The following PLCG2 variants were observed in gnomAD, a reference collection of about 807,000 sequenced individuals.
PLCG2 encodes 1-phosphatidylinositol 4,5-bisphosphate phosphodiesterase gamma-2.
In PLCG2, 69 loss-of-function variants were observed where a neutral mutation model predicts 175.6. That is an observed-to-expected ratio of 0.39 (90% CI 0.32 to 0.48). The LOEUF (loss-of-function observed/expected upper bound fraction) is 0.48. PLCG2 is among the 20% of genes least tolerant of loss of function. The probability of loss-of-function intolerance (pLI) is 0.91; values close to 1 mark genes in which losing one functional copy is unlikely to be tolerated. For synonymous variants in PLCG2, 827 were observed against 624.0 expected (o/e 1.33, Z -4.85); for missense variants, 1,798 against 1,650.9 (o/e 1.09, Z -1.54).
At chr16:81,860,174 T>TTTTA (rs1555513307) in intron 5 of PLCG2, among the ~76,000 whole-genome samples, 12 of 96,604 alleles carry the variant, frequency 1.2e-4, no homozygotes, top group South Asian at 3.3e-4. Context: ...TTATTATTAT[T>TTTTA]TTTTTTTTTT....
intron 2 of PLCG2, among the ~76,000 whole-genome samples, chr16:81,764,545 C>G (rs550148351): frequency 6.6e-6 from 1 of 152,184 alleles, no homozygotes; most frequent in Non-Finnish European, 1.5e-5. Flanking sequence ...AAGCGTGCCC[C>G]GTGCAGGTCT....
intron 2 of PLCG2, among the ~76,000 whole-genome samples, chr16:81,792,267 G>T (rs1255699781): frequency 6.6e-6 from 1 of 151,904 alleles, no homozygotes; most frequent in Non-Finnish European, 1.5e-5. Context: ...GGACCACCTG[G>T]GGTCAGGAGT....
rs72820814 is a variant in PLCG2, at chr16:81,882,657, C to T, written c.693-612C>T. Among the ~76,000 whole-genome samples the T allele has an allele frequency of 9.0e-3, 1,372 of 152,138 alleles. 13 individuals are homozygous for T. The highest frequency in any genetic ancestry group is 0.014 in the South Asian group (66 of 4,808). The stretch of plus-strand genomic sequence containing the variant: ...CTCCTACTCCTCTTTCTTTCCTCCC[C>T]TCCCTTCTCTTTTTTCCTCGAGGCC... On this transcript the variant is annotated intron_variant, in intron 8 of 32. Transcript: ENST00000564138.
chr16:81,846,000 C>T (rs1442056178), intron 2 of PLCG2, among the ~76,000 whole-genome samples: 1 of 152,190 alleles, frequency 6.6e-6, no homozygotes, highest in East Asian at 1.9e-4. Flanking sequence ...GTCATGGTAC[C>T]TGCCTCATAG....
rs138981519 is a variant in PLCG2 at position 81,883,290 on chromosome 16, C to T, written c.714C>T (p.Ala238=). 712 of 1,614,172 alleles carry T rather than the reference C, an allele frequency of 4.4e-4. No homozygotes were observed. The African/African-American group carries it at 7.3e-3, about 17-fold the overall frequency. Reference sequence around the variant, plus strand: ...ATAGGAACACTGACAGGCCGGATGCCTCTGCTGTTTACCTGCATGACTTCC... The same window carrying T: ...ATAGGAACACTGACAGGCCGGATGCTTCTGCTGTTTACCTGCATGACTTCC... ...FILGNTDRPD[A]SAVYLHDFQR... is the part of the protein sequence containing the mutation. Residue 238 remains alanine, a synonymous_variant, in exon 9 of 33, where the codon GCC becomes GCT. Coordinates refer to ENST00000564138, the MANE Select transcript of PLCG2 (RefSeq NM_002661.5).
intron 12 of PLCG2, chr16:81,895,574 TGA>T (rs1908844391): frequency 2.3e-6 from 1 of 427,460 alleles, no homozygotes; most frequent in Non-Finnish European, 4.2e-6. Flanking sequence ...AAAAAAAAAA[TGA>T]AAAAAAAAGC....
intron 2 of PLCG2, among the ~76,000 whole-genome samples, chr16:81,771,185 G>T (rs1202052356): frequency 6.6e-6 from 1 of 152,118 alleles, no homozygotes; most frequent in African/African-American, 2.4e-5. Context: ...AGCCCTCAAG[G>T]TCCTTCCTTC....
In PLCG2 at chr16:81,883,327, A is replaced by C. The variant is rs190840748; in HGVS notation, c.751A>C (p.Ile251Leu). Reference protein sequence around the residue: ...VYLHDFQRFLIHEQQEHWAQD... With the variant: ...VYLHDFQRFLLHEQQEHWAQD... Reference sequence around the variant, plus strand: ...CCTGCATGACTTCCAGAGGTTTCTCATACATGAACAGCAGGTGAGAGCACA... The same window carrying C: ...CCTGCATGACTTCCAGAGGTTTCTCCTACATGAACAGCAGGTGAGAGCACA... Residue 251 changes from isoleucine (I) to leucine (L), a missense_variant, in exon 9 of 33, where the codon ATA becomes CTA. Transcript: ENST00000564138. 1 of 1,613,966 alleles carries C rather than the reference A, an allele frequency of 6.2e-7. No individual in the cohort carries two copies. Among genetic ancestry groups the C allele is most frequent in the South Asian group, 1.1e-5 (1 of 91,082 alleles).
At chr16:81,816,480 A>G (rs1904552574) in intron 2 of PLCG2, among the ~76,000 whole-genome samples, 1 of 57,946 alleles carries the variant, frequency 1.7e-5, no homozygotes, top group Non-Finnish European at 3.5e-5. Context: ...TTCCCTCATT[A>G]TAATTTTTTT....
intron 30 of PLCG2, among the ~76,000 whole-genome samples, chr16:81,945,698 C>G (rs901408778): frequency 1.3e-5 from 2 of 152,132 alleles, no homozygotes; most frequent in African/African-American, 4.8e-5. Flanking sequence ...GGAGGAAGAT[C>G]AATACTGCTA....
intron 1 of PLCG2, among the ~76,000 whole-genome samples, chr16:81,745,962 C>T (rs1053226008): frequency 6.6e-6 from 1 of 152,180 alleles, no homozygotes; most frequent in Admixed American, 6.5e-5. Flanking sequence ...TTCAGAGGTG[C>T]GTCCTTCCTT....
At position 81,904,212 on chromosome 16, in the gene PLCG2, T is replaced by G. The variant is rs138595663; in HGVS notation, c.1363-1191T>G. ...GGTCCTGCTTCACTGTTGACACTTA[T>G]CTTTCACGTTCTTTGACTTACGGGA... On this transcript the variant is annotated intron_variant, in intron 14 of 32. Transcript: ENST00000564138. Among the ~76,000 whole-genome samples the G allele has an allele frequency of 6.4e-4, 97 of 152,338 alleles. 1 individual carries two copies. In the East Asian group the frequency reaches 0.018, roughly 28 times the overall value.
chr16:81,788,620 G>A (rs919769677), intron 2 of PLCG2, among the ~76,000 whole-genome samples: 4 of 152,210 alleles, frequency 2.6e-5, no homozygotes, highest in African/African-American at 9.6e-5. Flanking sequence ...CATCTATGCT[G>A]CGTGGCTGCT....
At position 81,962,043 on chromosome 16, in the gene PLCG2, C is replaced by CGA. The variant is rs1263858939; in HGVS notation, c.*4045_*4046insGA. 5.3e-6 allele frequency: 1 copy of CGA among 190,230 alleles called. No individual in the cohort carries two copies. Among genetic ancestry groups the CGA allele is most frequent in the Non-Finnish European group, 1.1e-5 (1 of 89,136 alleles). The allele number at this position is 190,230 out of a possible 1,614,324, so 11.8% of individuals were successfully genotyped here. On this transcript the variant is annotated 3_prime_UTR_variant, in exon 33 of 33. Transcript: ENST00000564138. ...CCTACCTCACCGCTCCATGTGCGTC[C>CGA]CTCCCGAAGCTGCGCGCTCCGTCGA...
At chr16:81,896,044 C>T (rs1567521315) in intron 13 of PLCG2, 117 bp downstream of exon 13, 1 of 1,312,594 alleles carries the variant, frequency 7.6e-7, no homozygotes, top group Non-Finnish European at 1.1e-6. Flanking sequence ...GCGGGAAGGC[C>T]TGGGCCCCAT....
At chr16:81,760,664 C>A (rs1910019221) in intron 2 of PLCG2, among the ~76,000 whole-genome samples, 1 of 151,124 alleles carries the variant, frequency 6.6e-6, no homozygotes, top group Non-Finnish European at 1.5e-5. Flanking sequence ...TAATCCCAAC[C>A]CTTTGGGAGG....
rs1911804646 is a variant in PLCG2, at chr16:81,962,229, G to A, written c.*4231G>A. On this transcript the variant is annotated 3_prime_UTR_variant, in exon 33 of 33. Transcript: ENST00000564138. ...GGAAGCAAAAAGGATGGCTAAAAAG[G>A]ACCTCAACCCTTTTGACTTTAAAAG... 1 of 190,684 alleles carries A rather than the reference G, an allele frequency of 5.2e-6. No individual in the cohort carries two copies. The highest frequency in any genetic ancestry group is 2.3e-5 in the African/African-American group (1 of 43,000). 11.8% of individuals were successfully genotyped at this position (190,684 alleles called of 1,614,324 possible).
intron 2 of PLCG2, among the ~76,000 whole-genome samples, chr16:81,805,063 A>G (rs1340561816): frequency 6.6e-6 from 1 of 152,222 alleles, no homozygotes; most frequent in Admixed American, 6.5e-5. Context: ...CAGAGGAACA[A>G]CATCAGACAC....
At chr16:81,793,738 C>T (rs1045608211) in intron 2 of PLCG2, among the ~76,000 whole-genome samples, 6 of 152,188 alleles carry the variant, frequency 3.9e-5, no homozygotes, top group Non-Finnish European at 5.9e-5. Flanking sequence ...GTCCTAGTCT[C>T]TGTGAAGGCA....
Sources: allele counts gnomAD v4.1 joint callset (sites outside exome capture counted in the v4.1 genomes callset), GRCh38; gene constraint gnomAD v4.1.1; transcripts MANE v1.5; gene names NCBI Gene and HGNC (gene_info 2026-07-23, HGNC 2026-07-21).